TM9SF3: variants seen among roughly 807,000 people sequenced by gnomAD.
TM9SF3 encodes transmembrane 9 superfamily member 3.
Under a neutral mutation model 78.6 loss-of-function variants are expected in TM9SF3, and 14 were observed. That is an observed-to-expected ratio of 0.18 (90% CI 0.12 to 0.28). The LOEUF (loss-of-function observed/expected upper bound fraction) is 0.28, where lower values mean the gene tolerates loss of function less well. Ranked by LOEUF, TM9SF3 falls within the 10% of genes least tolerant of loss-of-function variation. The probability of loss-of-function intolerance (pLI) is 1.00; values close to 1 mark genes in which losing one functional copy is unlikely to be tolerated. For synonymous variants in TM9SF3, 231 were observed against 241.7 expected (o/e 0.96, Z 0.41); for missense variants, 496 against 721.9 (o/e 0.69, Z 3.59).
intron 2 of TM9SF3, among the ~76,000 whole-genome samples, chr10:96,571,155 T>C (rs962057019): frequency 2.6e-5 from 4 of 152,162 alleles, no homozygotes; most frequent in South Asian, 4.1e-4. Flanking sequence ...GGGAGGGAAC[T>C]GGTGTCACAG....
intron 2 of TM9SF3, among the ~76,000 whole-genome samples, chr10:96,573,247 TA>T (rs1848459543): frequency 6.6e-6 from 1 of 152,230 alleles, no homozygotes; most frequent in Non-Finnish European, 1.5e-5. Context: ...ACACCATGGA[TA>T]AATCACTTTA....
rs1262928301 is a variant in TM9SF3 at position 96,518,260 on chromosome 10, A to G, written c.*4003T>C. 1.3e-5 allele frequency: 2 copies of G among 152,176 alleles called. No individual in the cohort carries two copies. The highest frequency in any genetic ancestry group is 4.8e-5 in the African/African-American group (2 of 41,450). The allele number at this position is 152,176 out of a possible 1,614,324, so 9.4% of individuals were successfully genotyped here. A position where few individuals can be genotyped will look rare whatever the true frequency, so the allele number is the denominator to read the frequency against. On this transcript the variant is annotated 3_prime_UTR_variant, in exon 15 of 15. Transcript: ENST00000371142. ...ATGGCCTATACGAACCAAAGAGTGT[A>G]TACAAAATGGAAGTGGTCATCAGGC...
chr10:96,563,982 C>T lies in TM9SF3; in HGVS notation c.421+1322G>A, dbSNP rs556380676. Among the ~76,000 whole-genome samples the T allele has an allele frequency of 3.9e-5, 6 of 152,154 alleles. No individual in the cohort carries two copies. The South Asian group carries it at 1.2e-3, about 32-fold the overall frequency. On this transcript the variant is annotated intron_variant, in intron 3 of 14. Transcript: ENST00000371142. ...GTTGCCACTGTTGCTAACGAGCCCA[C>T]AGCTGTGAATGAAAAAACCTAAAGC... is the stretch of plus-strand genomic sequence containing the variant.
intron 1 of TM9SF3, 93 bp from the exon 2 acceptor site, chr10:96,576,922 T>C (rs1564940913): frequency 1.1e-6 from 1 of 942,328 alleles, no homozygotes; most frequent in Admixed American, 3.5e-5. Flanking sequence ...CAAAAGTGCA[T>C]CATCTCTGTT....
intron 1 of TM9SF3, among the ~76,000 whole-genome samples, chr10:96,578,140 C>A (rs1464874563): frequency 1.2e-4 from 18 of 152,088 alleles, no homozygotes; most frequent in Admixed American, 1.2e-3. Context: ...ACACGATTAT[C>A]ACCCTAAGAC....
At chr10:96,583,749 G>GC (rs1848600151) in intron 1 of TM9SF3, among the ~76,000 whole-genome samples, 3 of 150,990 alleles carry the variant, frequency 2.0e-5, no homozygotes, top group Non-Finnish European at 4.4e-5. Flanking sequence ...ACAGTGCATA[G>GC]CCAGCAGGGC....
intron 11 of TM9SF3, among the ~76,000 whole-genome samples, chr10:96,528,432 CAG>C (rs1295887904): frequency 7.9e-5 from 12 of 151,930 alleles, no homozygotes; most frequent in Non-Finnish European, 4.4e-5. Flanking sequence ...CTGAATAAAA[CAG>C]AAGCTTCAAG....
chr10:96,551,346 A>T lies in TM9SF3; in HGVS notation c.858T>A (p.Ser286Arg). The T allele has an allele frequency of 6.2e-7, 1 of 1,612,926 alleles. No homozygotes were observed. The highest frequency in any genetic ancestry group is 8.5e-7 in the Non-Finnish European group (1 of 1,179,476). The change falls in exon 7 of 15, where the codon AGT (serine) becomes AGA (arginine). Residue 286 changes from serine to arginine, a missense_variant. Around this residue, in one of 4 missense-constraint regions of TM9SF3, gnomAD observed 280 missense variants for 422.6 expected, o/e 0.66. Transcript: ENST00000371142. ...TCAGAGAGGAAAATATCAGTGGGTG[A>T]CTTGATGGTCTAAATACATCTCCAT... is the stretch of plus-strand genomic sequence containing the variant. ...QVHGDVFRPS[S>R]HPLIFSSLIG...
chr10:96,528,555 A>C (rs1257535584), intron 11 of TM9SF3, among the ~76,000 whole-genome samples: 2 of 152,170 alleles, frequency 1.3e-5, no homozygotes, highest in African/African-American at 2.4e-5. Flanking sequence ...ATTTTATTAA[A>C]TAGAAAATAA....
At chr10:96,524,952 G>A (rs1176643004) in intron 14 of TM9SF3, among the ~76,000 whole-genome samples, 1 of 151,932 alleles carries the variant, frequency 6.6e-6, no homozygotes, top group Admixed American at 6.6e-5. Context: ...AACTGTAAAT[G>A]TGCCAAGGTT....
rs115797564 is a variant in TM9SF3, at chr10:96,525,733, C to A, written c.1702+1480G>T. On this transcript the variant is annotated intron_variant, in intron 14 of 14. Transcript: ENST00000371142. ...CATGATTAGTCCCGCAGCCTTACAT[C>A]ATTCCTACAAAGTAACCAAGGGATC... is the stretch of plus-strand genomic sequence containing the variant. Among the ~76,000 whole-genome samples the A allele has an allele frequency of 1.5e-3, 230 of 152,198 alleles. 1 individual carries two copies. The highest frequency in any genetic ancestry group is 5.3e-3 in the African/African-American group (222 of 41,554).
intron 6 of TM9SF3, 43 bp from the exon 7 acceptor site, chr10:96,551,454 C>T (rs1783313454): frequency 7.3e-7 from 1 of 1,373,286 alleles, no homozygotes. Context: ...GCAAATCATT[C>T]AGAATCAAAC....
chr10:96,531,236 T>C (rs567543724), intron 10 of TM9SF3, among the ~76,000 whole-genome samples: 4 of 152,332 alleles, frequency 2.6e-5, no homozygotes, highest in African/African-American at 4.8e-5. Context: ...CCTGAAAGCA[T>C]TGGCTCAAAT....
intron 7 of TM9SF3, 25 bp from the exon 8 acceptor site, chr10:96,548,014 A>G: frequency 6.6e-7 from 1 of 1,505,052 alleles, no homozygotes; most frequent in South Asian, 1.2e-5. Flanking sequence ...AAGAAAAAAA[A>G]AATTAAAACC....
chr10:96,536,275 A>G (rs892832869), intron 9 of TM9SF3, among the ~76,000 whole-genome samples: 2 of 152,150 alleles, frequency 1.3e-5, no homozygotes, highest in Non-Finnish European at 1.5e-5. Context: ...TGCTCTTGAC[A>G]CTTCTATTCA....
intron 4 of TM9SF3, chr10:96,560,368 G>A: frequency 1.4e-5 from 10 of 739,014 alleles, no homozygotes; most frequent in South Asian, 1.3e-4. Flanking sequence ...TATTGTTGAA[G>A]CAGAGGCAAT....
intron 11 of TM9SF3, among the ~76,000 whole-genome samples, chr10:96,529,882 G>A (rs1847877694): frequency 6.6e-6 from 1 of 152,162 alleles, no homozygotes; most frequent in African/African-American, 2.4e-5. Context: ...CAGGAGCCAA[G>A]GGTGTACAGC....
chr10:96,536,297 C>T (rs1847958883), intron 9 of TM9SF3, among the ~76,000 whole-genome samples: 1 of 152,068 alleles, frequency 6.6e-6, no homozygotes, highest in East Asian at 1.9e-4. Context: ...CATTATACTG[C>T]AGGTTTTAGC....
At chr10:96,541,520 A>G (rs2134137414) in intron 9 of TM9SF3, among the ~76,000 whole-genome samples, 1 of 152,242 alleles carries the variant, frequency 6.6e-6, no homozygotes, top group East Asian at 1.9e-4. Flanking sequence ...AGTAGCTGGG[A>G]TTACAGGCCT....
Sources: allele counts gnomAD v4.1 joint callset (sites outside exome capture counted in the v4.1 genomes callset), GRCh38; gene constraint gnomAD v4.1.1; regional missense constraint gnomAD v4.1.1; transcripts MANE v1.5; gene names NCBI Gene and HGNC (gene_info 2026-07-23, HGNC 2026-07-21).